The following IQGAP1 variants were observed in gnomAD, a reference collection of about 807,000 sequenced individuals.
The protein encoded by IQGAP1 is IQ motif containing GTPase activating protein 1, also known as ras GTPase-activating-like protein IQGAP1.
IQGAP1 carries 66 observed loss-of-function variants against 215.6 expected under a neutral mutation model. The ratio of observed to expected loss-of-function variants is 0.31; its 90% CI spans 0.25 to 0.38. The LOEUF (loss-of-function observed/expected upper bound fraction) is 0.38. Ranked by LOEUF, IQGAP1 falls within the 10% of genes least tolerant of loss-of-function variation. IQGAP1 has a pLI of 1.00. For synonymous variants in IQGAP1, 772 were observed against 728.7 expected (o/e 1.06, Z -0.96); for missense variants, 1,712 against 1,997.1 (o/e 0.86, Z 2.72).
In IQGAP1 at chr15:90,439,939, T is replaced by C. The variant is rs762741593; in HGVS notation, c.535+540T>C. 5.9e-5 allele frequency among the ~76,000 whole-genome samples: 9 copies of C among 152,350 alleles called. No individual in the cohort carries two copies. In the South Asian group the frequency reaches 1.9e-3, roughly 32 times the overall value. On this transcript the variant is annotated intron_variant, in intron 6 of 37. Transcript: ENST00000268182. ...GTGGTAATACTGTTTAAGGGTAAGA[T>C]AGATTCAAGTCTTTCAAAGTGGTGA...
At chr15:90,424,782 T>C (rs1045409933) in intron 2 of IQGAP1, among the ~76,000 whole-genome samples, 8 of 151,508 alleles carry the variant, frequency 5.3e-5, no homozygotes, top group Non-Finnish European at 1.0e-4. Flanking sequence ...GAGGTTGTAG[T>C]GAGCTGAGAT....
At chr15:90,496,143 G>T (rs1485930909) in intron 36 of IQGAP1, among the ~76,000 whole-genome samples, 3 of 151,792 alleles carry the variant, frequency 2.0e-5, no homozygotes, top group African/African-American at 7.3e-5. Flanking sequence ...TAAGATGCAT[G>T]TGTGTTTCAG....
At chr15:90,389,832 C>A (rs1185009621) in intron 1 of IQGAP1, among the ~76,000 whole-genome samples, 1 of 151,350 alleles carries the variant, frequency 6.6e-6, no homozygotes, top group African/African-American at 2.4e-5. Flanking sequence ...TGGCCCATGC[C>A]TGTGGTCCCA....
At chr15:90,432,605 G>A (rs939663485) in intron 4 of IQGAP1, among the ~76,000 whole-genome samples, 2 of 152,004 alleles carry the variant, frequency 1.3e-5, no homozygotes, top group African/African-American at 2.4e-5. Flanking sequence ...GTATTCTGTA[G>A]ATTTTAAAAA....
intron 8 of IQGAP1, among the ~76,000 whole-genome samples, chr15:90,442,852 G>T (rs1428956100): frequency 6.6e-6 from 1 of 152,132 alleles, no homozygotes; most frequent in African/African-American, 2.4e-5. Flanking sequence ...CACGCCTGTA[G>T]TCCCAGCTAC....
At position 90,491,331 on chromosome 15, in the gene IQGAP1, A is replaced by G; in HGVS notation, c.4249-2A>G. 6.2e-7 allele frequency: 1 copy of G among 1,613,318 alleles called. No homozygotes were observed. The highest frequency in any genetic ancestry group is 8.5e-7 in the Non-Finnish European group (1 of 1,179,460). On this transcript the variant is annotated splice_acceptor_variant, in intron 33 of 37. Transcript: ENST00000268182. LOFTEE classifies it high-confidence loss of function. Reference sequence around the variant, plus strand: ...CTAAGAACTTCTTTTTCCCATCCGTAGGAAGCAGAACATCAGAGAGCCATG... The same window carrying G: ...CTAAGAACTTCTTTTTCCCATCCGTGGGAAGCAGAACATCAGAGAGCCATG...
intron 18 of IQGAP1, among the ~76,000 whole-genome samples, chr15:90,470,834 C>T (rs1250434392): frequency 2.0e-5 from 3 of 152,204 alleles, no homozygotes; most frequent in Non-Finnish European, 4.4e-5. Context: ...CTCAAACCCT[C>T]AATTCCTTTG....
intron 37 of IQGAP1, among the ~76,000 whole-genome samples, chr15:90,498,922 G>GC (rs1189256179): frequency 6.6e-6 from 1 of 151,890 alleles, no homozygotes; most frequent in Non-Finnish European, 1.5e-5. Flanking sequence ...TGATTCTCCT[G>GC]CCTCAGCCTC....
chr15:90,400,408 G>A lies in IQGAP1; in HGVS notation c.155+9535G>A, dbSNP rs925528811. Among the ~76,000 whole-genome samples the A allele has an allele frequency of 1.3e-4, 20 of 151,866 alleles. 1 individual carries two copies. The highest frequency in any genetic ancestry group is 4.1e-4 in the South Asian group (2 of 4,826). ...TATATTTTTAATTAATTCCTTTTCC[G>A]TCTCCATTCTTGTTAATAGCTTAAA... On this transcript the variant is annotated intron_variant, in intron 2 of 37. Transcript: ENST00000268182.
At chr15:90,424,960 A>G (rs1965199291) in intron 2 of IQGAP1, among the ~76,000 whole-genome samples, 1 of 152,086 alleles carries the variant, frequency 6.6e-6, no homozygotes, top group Non-Finnish European at 1.5e-5. Flanking sequence ...TTTCCAGGGG[A>G]AGGTTCTATA....
Position 90,441,670 on chromosome 15 carries a change from A to C in IQGAP1, c.814A>C (p.Asn272His), listed in dbSNP as rs1190616300. Reference sequence around the variant, plus strand: ...CCAGGCTAAGCAGGACAAAATGACAAATGCTAAAAACAGGGTAAAAATGCA... The same window carrying C: ...CCAGGCTAAGCAGGACAAAATGACACATGCTAAAAACAGGGTAAAAATGCA... Reference protein sequence around the residue: ...LYQAKQDKMTNAKNRTENSER... With the variant: ...LYQAKQDKMTHAKNRTENSER... The change falls in exon 8 of 38, where the codon AAT (asparagine) becomes CAT (histidine). Residue 272 changes from asparagine to histidine, a missense_variant. By Grantham distance (68) the Asn-to-His change is moderately conservative. Transcript: ENST00000268182. 1 of 1,604,992 alleles carries C rather than the reference A, an allele frequency of 6.2e-7. No homozygotes were observed.
chr15:90,453,837 A>G (rs975212064), intron 13 of IQGAP1, among the ~76,000 whole-genome samples: 1 of 152,190 alleles, frequency 6.6e-6, no homozygotes, highest in African/African-American at 2.4e-5. Context: ...ATTCAGTTCA[A>G]CATTTTTGAT....
At chr15:90,477,042 G>A (rs1782034555) in intron 24 of IQGAP1, 25 bp from the exon 25 acceptor site, 2 of 1,609,710 alleles carry the variant, frequency 1.2e-6, no homozygotes, top group South Asian at 2.2e-5. Context: ...ACCTACAAAT[G>A]ACTTATCCCT....
chr15:90,478,101 C>T (rs1966006057), intron 26 of IQGAP1, among the ~76,000 whole-genome samples: 1 of 152,198 alleles, frequency 6.6e-6, no homozygotes, highest in Non-Finnish European at 1.5e-5. Flanking sequence ...AAGCAATTCT[C>T]ATGCCCCAGC....
chr15:90,451,361 A>G (rs538497265), intron 11 of IQGAP1, among the ~76,000 whole-genome samples: 8 of 152,308 alleles, frequency 5.3e-5, no homozygotes, highest in African/African-American at 1.9e-4. Context: ...GTGCTGCATC[A>G]AAATATGAAG....
intron 2 of IQGAP1, among the ~76,000 whole-genome samples, chr15:90,395,875 G>A (rs574101740): frequency 1.3e-5 from 2 of 152,364 alleles, no homozygotes; most frequent in South Asian, 4.1e-4. Context: ...GTCACAGGAA[G>A]AAAGTTAATT....
intron 4 of IQGAP1, among the ~76,000 whole-genome samples, chr15:90,432,952 T>C (rs1965322823): frequency 6.6e-6 from 1 of 152,176 alleles, no homozygotes; most frequent in African/African-American, 2.4e-5. Context: ...CCTACCTCAT[T>C]CACTAACTCA....
At position 90,487,195 on chromosome 15, in the gene IQGAP1, C is replaced by T. The variant is rs551682655; in HGVS notation, c.4160+106C>T. On this transcript the variant is annotated intron_variant, in intron 32 of 37. Transcript: ENST00000268182. ...ACCTGAAATGACCATCCTGACCTCTCGTACTTGTCATAATCCCAGTCACCA... is the reference window on the plus strand; with the variant it reads ...ACCTGAAATGACCATCCTGACCTCTTGTACTTGTCATAATCCCAGTCACCA... 115 of 1,089,116 alleles carry T rather than the reference C, an allele frequency of 1.1e-4. 1 individual carries two copies. The South Asian group carries it at 1.5e-3, about 14-fold the overall frequency. 67.5% of individuals were successfully genotyped at this position (1,089,116 alleles called of 1,614,324 possible).
Position 90,452,755 on chromosome 15 carries a change from G to C in IQGAP1, c.1163-20G>C, listed in dbSNP as rs1965622657. Reference sequence around the variant, plus strand: ...GGCTCTCTAAGCCCACTGCGTTTCTGACTCCTGTTTTTTACACAGGATTGG... The same window carrying C: ...GGCTCTCTAAGCCCACTGCGTTTCTCACTCCTGTTTTTTACACAGGATTGG... On this transcript the variant is annotated intron_variant, in intron 11 of 37. Coordinates refer to ENST00000268182, the MANE Select transcript of IQGAP1 (RefSeq NM_003870.4). 1 of 1,612,396 alleles carries C rather than the reference G, an allele frequency of 6.2e-7. No individual in the cohort carries two copies.
Sources: allele counts gnomAD v4.1 joint callset (sites outside exome capture counted in the v4.1 genomes callset), GRCh38; gene constraint gnomAD v4.1.1; transcripts MANE v1.5; gene names NCBI Gene and HGNC (gene_info 2026-07-23, HGNC 2026-07-21).